The following C1orf116 variants were observed in gnomAD, a reference collection of about 807,000 sequenced individuals.
C1orf116 encodes chromosome 1 open reading frame 116.
In C1orf116, 12 loss-of-function variants were observed where a neutral mutation model predicts 14.1. That is an observed-to-expected ratio of 0.85 (90% CI 0.54 to 1.38). The LOEUF is 1.38. Ranked by LOEUF, C1orf116 falls within the 40% of genes most tolerant of loss-of-function variation. The pLI is 0.00. For synonymous variants in C1orf116, 296 were observed against 299.0 expected (o/e 0.99, Z 0.10); for missense variants, 797 against 747.0 (o/e 1.07, Z -0.78).
At chr1:207,031,213 GCA>G (rs1260432223) in intron 1 of C1orf116, among the ~76,000 whole-genome samples, 1 of 152,200 alleles carries the variant, frequency 6.6e-6, no homozygotes, top group Admixed American at 6.5e-5. Flanking sequence ...ACTAAAACTT[GCA>G]CAGTTTGCAT....
In C1orf116 at chr1:207,019,272, C is replaced by A. The variant is rs183325011; in HGVS notation, c.*2686G>T. 2.0e-4 allele frequency: 30 copies of A among 152,426 alleles called. No homozygotes were observed. In the East Asian group the frequency reaches 4.8e-3, roughly 24 times the overall value. The allele number at this position is 152,426 out of a possible 1,614,324, so 9.4% of individuals were successfully genotyped here. A position where few individuals can be genotyped will look rare whatever the true frequency, so the allele number is the denominator to read the frequency against. ...GTCAACACATCTGAGGGCACAGACC[C>A]CCCTATCATGCCAGGCTGGGAGAGG... On this transcript the variant is annotated 3_prime_UTR_variant, in exon 4 of 4. Transcript: ENST00000359470.
chr1:207,022,060 C>T lies in C1orf116; in HGVS notation c.1704G>A (p.Lys568=). 6.2e-7 allele frequency: 1 copy of T among 1,607,442 alleles called. No individual in the cohort carries two copies. Among genetic ancestry groups the T allele is most frequent in the African/African-American group, 1.3e-5 (1 of 74,680 alleles). The change falls in exon 4 of 4, where the codon AAG becomes AAA. Residue 568 remains lysine (K), a synonymous_variant. Coordinates refer to ENST00000359470, the MANE Select transcript of C1orf116 (RefSeq NM_023938.6). ...CACTGACACAGGGGGGGCGAGGAAGCTTGTCACGGCTCTGTCCTTGGTAGG... is the reference window on the plus strand; with the variant it reads ...CACTGACACAGGGGGGGCGAGGAAGTTTGTCACGGCTCTGTCCTTGGTAGG... ...RLSYQGQSRD[K]LPRPPCVSVK... is the part of the protein sequence containing the mutation.
In C1orf116 at chr1:207,022,376, C is replaced by T; in HGVS notation, c.1388G>A (p.Gly463Glu). 1.2e-6 allele frequency: 2 copies of T among 1,614,084 alleles called. No homozygotes were observed. The highest frequency in any genetic ancestry group is 1.7e-6 in the Non-Finnish European group (2 of 1,180,006). Residue 463 changes from glycine to glutamate, a missense_variant, in exon 4 of 4, where the codon GGG becomes GAG. Transcript: ENST00000359470. Reference protein sequence around the residue: ...SALTPPKPESGLTLQESNTPG... With the variant: ...SALTPPKPESELTLQESNTPG... ...GGTGTTGCTCTCCTGGAGAGTCAGC[C>T]CTGACTCTGGCTTCGGTGGAGTCAG... is the stretch of plus-strand genomic sequence containing the variant.
chr1:207,030,779 C>T (rs1467484088), intron 1 of C1orf116, among the ~76,000 whole-genome samples: 2 of 152,112 alleles, frequency 1.3e-5, no homozygotes, highest in Non-Finnish European at 2.9e-5. Flanking sequence ...GTATCTTAAC[C>T]CTTGACCTCT....
chr1:207,022,646 G>T lies in C1orf116; in HGVS notation c.1118C>A (p.Ser373Tyr), dbSNP rs1250866713. The T allele has an allele frequency of 4.3e-6, 7 of 1,614,104 alleles. No individual in the cohort carries two copies. Among genetic ancestry groups the T allele is most frequent in the Non-Finnish European group, 5.1e-6 (6 of 1,180,032 alleles). Residue 373 changes from serine to tyrosine, a missense_variant, in exon 4 of 4, where the codon TCC becomes TAC. By Grantham distance (144) the Ser-to-Tyr change is moderately radical. Transcript: ENST00000359470. The part of the protein sequence containing the change: ...PGLHLSKPTS[S>Y]IRPKETRAQH... Reference sequence around the variant, plus strand: ...GGCCCGTGTCTCCTTGGGTCTGATGGAGCTGGTGGGCTTACTTAAGTGGAG... The same window carrying T: ...GGCCCGTGTCTCCTTGGGTCTGATGTAGCTGGTGGGCTTACTTAAGTGGAG...
At chr1:207,027,454 A>G (rs1459385986) in intron 2 of C1orf116, 40 bp downstream of exon 2, 4 of 1,610,418 alleles carry the variant, frequency 2.5e-6, no homozygotes, top group Non-Finnish European at 3.4e-6. Context: ...GCAGGTGTGC[A>G]GAGAGCAGAC....
chr1:207,023,488 G>A lies in C1orf116; in HGVS notation c.284-8C>T. ...TGGTCTCCTCTGGACCTCCTGTGAG[G>A]GTCAGAAAGAACATAAAAGAGTGGA... On this transcript the variant is annotated splice_polypyrimidine_tract_variant and splice_region_variant and intron_variant, in intron 3 of 3. Coordinates refer to ENST00000359470, the MANE Select transcript of C1orf116 (RefSeq NM_023938.6). 6.3e-7 allele frequency: 1 copy of A among 1,591,306 alleles called. No homozygotes were observed. The highest frequency in any genetic ancestry group is 8.5e-7 in the Non-Finnish European group (1 of 1,170,210).
Position 207,022,058 on chromosome 1 carries a change from A to G in C1orf116, c.1706T>C (p.Leu569Pro). 1 of 1,607,240 alleles carries G rather than the reference A, an allele frequency of 6.2e-7. No individual in the cohort carries two copies. Among genetic ancestry groups the G allele is most frequent in the Non-Finnish European group, 8.5e-7 (1 of 1,176,948 alleles). Residue 569 changes from leucine to proline, a missense_variant, in exon 4 of 4, where the codon CTT (leucine) becomes CCT (proline). Transcript: ENST00000359470. The stretch of plus-strand genomic sequence containing the variant: ...GACACTGACACAGGGGGGGCGAGGA[A>G]GCTTGTCACGGCTCTGTCCTTGGTA... ...LSYQGQSRDK[L>P]PRPPCVSVKI...
intron 2 of C1orf116, among the ~76,000 whole-genome samples, chr1:207,026,458 C>T (rs893960609): frequency 3.3e-5 from 5 of 152,236 alleles, no homozygotes; most frequent in African/African-American, 9.6e-5. Flanking sequence ...TGACTATTCA[C>T]GTTGGCCTCA....
chr1:207,023,837 T>C (rs1312194228), intron 3 of C1orf116, among the ~76,000 whole-genome samples: 2 of 152,124 alleles, frequency 1.3e-5, no homozygotes, highest in Non-Finnish European at 2.9e-5. Context: ...ATATCTTTTT[T>C]TGACTGAGAA....
chr1:207,030,592 G>A (rs962901308), intron 1 of C1orf116, among the ~76,000 whole-genome samples: 2 of 152,292 alleles, frequency 1.3e-5, no homozygotes, highest in South Asian at 2.1e-4. Flanking sequence ...AAAGCTGAGC[G>A]AGGCGCTGTC....
Position 207,021,761 on chromosome 1 carries a change from C to G in C1orf116, c.*197G>C, listed in dbSNP as rs1431883410. ...CACACACCAAACACACACACACACA[C>G]CCTCTTGTGGAGATCACCTTCAGAA... On this transcript the variant is annotated 3_prime_UTR_variant, in exon 4 of 4. Transcript: ENST00000359470. The G allele has an allele frequency of 2.0e-6, 1 of 488,864 alleles. No homozygotes were observed. The highest frequency in any genetic ancestry group is 3.4e-6 in the Non-Finnish European group (1 of 292,088). 30.3% of individuals were successfully genotyped at this position (488,864 alleles called of 1,614,324 possible). A position where few individuals can be genotyped will look rare whatever the true frequency, so the allele number is the denominator to read the frequency against.
rs1289767222 is a variant in C1orf116 at position 207,020,091 on chromosome 1, AGAAG to A, written c.*1863_*1866del. On this transcript the variant is annotated 3_prime_UTR_variant, in exon 4 of 4. Transcript: ENST00000359470. ...ATATAGCATGTGGAATCAGTCCTCC[AGAAG>A]GCAGCTTTCTCTCTTTCTGGGGGTG... 2.6e-5 allele frequency: 4 copies of A among 152,244 alleles called. No homozygotes were observed. The highest frequency in any genetic ancestry group is 9.6e-5 in the African/African-American group (4 of 41,458). The allele number at this position is 152,244 out of a possible 1,614,324, so 9.4% of individuals were successfully genotyped here. A position where few individuals can be genotyped will look rare whatever the true frequency, so the allele number is the denominator to read the frequency against.
In C1orf116 at chr1:207,022,441, C is replaced by A; in HGVS notation, c.1323G>T (p.Met441Ile). ...APGNVAASKS[M>I]PISIPKAPRA... ...TTGGGGCCTTAGGGATAGAAATTGGCATAGATTTGCTAGCTGCAACATTGC... is the reference window on the plus strand; with the variant it reads ...TTGGGGCCTTAGGGATAGAAATTGGAATAGATTTGCTAGCTGCAACATTGC... Residue 441 changes from methionine to isoleucine, a missense_variant, in exon 4 of 4, where the codon ATG becomes ATT. By Grantham distance (10) the Met-to-Ile change is conservative. Transcript: ENST00000359470. 1 of 1,614,186 alleles carries A rather than the reference C, an allele frequency of 6.2e-7. No individual in the cohort carries two copies. The highest frequency in any genetic ancestry group is 1.1e-5 in the South Asian group (1 of 91,088).
intron 1 of C1orf116, among the ~76,000 whole-genome samples, chr1:207,028,446 G>A (rs897876679): frequency 2.0e-5 from 3 of 152,168 alleles, no homozygotes; most frequent in Admixed American, 1.3e-4. Flanking sequence ...CCACCGCTAC[G>A]ATACCCATCT....
intron 2 of C1orf116, among the ~76,000 whole-genome samples, chr1:207,025,335 G>C (rs945801750): frequency 6.6e-6 from 1 of 152,192 alleles, no homozygotes; most frequent in African/African-American, 2.4e-5. Context: ...CCCAGCTCTG[G>C]AGCTGGGCAG....
At chr1:207,024,538 C>T (rs1324990275) in intron 3 of C1orf116, among the ~76,000 whole-genome samples, 1 of 152,244 alleles carries the variant, frequency 6.6e-6, no homozygotes, top group Non-Finnish European at 1.5e-5. Context: ...TCTAGACTGA[C>T]TCAGTCTCTC....
Position 207,024,967 on chromosome 1 carries a change from C to T in C1orf116, c.203G>A (p.Gly68Glu), listed in dbSNP as rs201465889. Residue 68 changes from glycine to glutamate, a missense_variant, in exon 3 of 4, where the codon GGA becomes GAA. By Grantham distance (98) the Gly-to-Glu change is moderately conservative (BLOSUM62 -2). Coordinates refer to ENST00000359470, the MANE Select transcript of C1orf116 (RefSeq NM_023938.6). Reference sequence around the variant, plus strand: ...TGGCTCAGACTCGTCAGTGGACAGTCCGCTGTCAGCCTCCGTGTCCAGTGA... The same window carrying T: ...TGGCTCAGACTCGTCAGTGGACAGTTCGCTGTCAGCCTCCGTGTCCAGTGA... ...IGSLDTEADS[G>E]LSTDESEPAT... 14 of 1,613,890 alleles carry T rather than the reference C, an allele frequency of 8.7e-6. No individual in the cohort carries two copies. Among genetic ancestry groups the T allele is most frequent in the Non-Finnish European group, 1.2e-5 (14 of 1,179,994 alleles).
chr1:207,028,510 C>T (rs184980696), intron 1 of C1orf116, among the ~76,000 whole-genome samples: 140 of 152,336 alleles, frequency 9.2e-4, no homozygotes, highest in Non-Finnish European at 1.8e-3. Flanking sequence ...TTGACACAAA[C>T]CTATTTTCTT....
Sources: gnomAD v4.1 joint callset for allele counts (sites outside exome capture counted in the v4.1 genomes callset) on GRCh38, gnomAD v4.1.1 for gene constraint, MANE v1.5 for transcripts, NCBI Gene and HGNC (gene_info 2026-07-23, HGNC 2026-07-21) for gene names.